CHRM4: variants seen among roughly 807,000 people sequenced by gnomAD.
CHRM4 encodes the protein cholinergic receptor muscarinic 4.
A neutral mutation model predicts 26.3 loss-of-function variants in CHRM4; 5 were observed. The observed-to-expected ratio is 0.19, with a 90% CI of 0.10 to 0.40. The LOEUF is 0.40. Ranked by LOEUF, CHRM4 falls within the 10% of genes least tolerant of loss-of-function variation. The pLI, the probability that CHRM4 is intolerant of heterozygous loss-of-function variation, is 1.00. For synonymous variants in CHRM4, 290 were observed against 285.3 expected (o/e 1.02, Z -0.16); for missense variants, 402 against 664.5 (o/e 0.60, Z 4.34).
In CHRM4 at chr11:46,386,537, G is replaced by A; in HGVS notation, c.21C>T (p.Val7=). The A allele has an allele frequency of 1.2e-6, 2 of 1,611,832 alleles. No individual in the cohort carries two copies. The highest frequency in any genetic ancestry group is 1.7e-6 in the Non-Finnish European group (2 of 1,178,510). The change falls in exon 2 of 2, where the codon GTC becomes GTT. Residue 7 remains valine, a synonymous_variant. Transcript: ENST00000682254. This position sits in a 1 kb window ranked among gnomAD's most constrained non-coding sequence, Gnocchi z 5.8. ...CGGACTGATTGCCCGAGCTGCCATT[G>A]ACAGGTGTGAAGTTGGCCATGTTGG... MANFTP[V]NGSSGNQSVR...
rs762798315 is a variant in CHRM4 at position 46,385,235 on chromosome 11, G to A, written c.1323C>T (p.Leu441=). Residue 441 remains leucine, a synonymous_variant, in exon 2 of 2, where the codon CTC becomes CTT. Coordinates refer to ENST00000682254, the MANE Select transcript of CHRM4 (RefSeq NM_000741.5). The surrounding 1 kb of genome is among the most constrained non-coding windows in gnomAD (Gnocchi z 6.3). ...PDTVWSIGYW[L]CYVNSTINPA... is the part of the protein sequence containing the mutation. ...GGTTGATGGTGCTGTTGACGTAGCA[G>A]AGCCAGTAGCCAATGGACCACACCG... 1.2e-6 allele frequency: 2 copies of A among 1,614,046 alleles called. No individual in the cohort carries two copies. The highest frequency in any genetic ancestry group is 1.7e-6 in the Non-Finnish European group (2 of 1,179,962).
chr11:46,390,993 T>C (rs1245374886), intron 1 of CHRM4, among the ~76,000 whole-genome samples: 1 of 152,060 alleles, frequency 6.6e-6, no homozygotes, highest in Non-Finnish European at 1.5e-5. Context: ...GGCACCGACA[T>C]TGTGCCCAAC....
At chr11:46,387,927 G>C (rs1001216819) in intron 1 of CHRM4, among the ~76,000 whole-genome samples, 1 of 152,178 alleles carries the variant, frequency 6.6e-6, no homozygotes, top group Non-Finnish European at 1.5e-5. Context: ...TGCCAGGGCC[G>C]CCTCTCCCCT....
In CHRM4 at chr11:46,385,881, A is replaced by G. The variant is rs756095049; in HGVS notation, c.677T>C (p.Val226Ala). The G allele has an allele frequency of 1.2e-6, 2 of 1,610,026 alleles. No homozygotes were observed. Among genetic ancestry groups the G allele is most frequent in the East Asian group, 2.2e-5 (1 of 44,736 alleles). ...CGGGCCCTCGGGCCGGTGCTTGTGG[A>G]CTCGGCTGCGACTGGCCAGGGAGAT... Reference protein sequence around the residue: ...IHISLASRSRVHKHRPEGPKE... With the variant: ...IHISLASRSRAHKHRPEGPKE... Residue 226 changes from valine to alanine, a missense_variant, in exon 2 of 2, where the codon GTC becomes GCC. Coordinates refer to ENST00000682254, the MANE Select transcript of CHRM4 (RefSeq NM_000741.5). This position sits in a 1 kb window ranked among gnomAD's most constrained non-coding sequence, Gnocchi z 6.3.
At position 46,391,041 on chromosome 11, in the gene CHRM4, G is replaced by T. The variant is rs1450273101; in HGVS notation, c.-30+490C>A. ...GGGCCGGAGGAGGGGGCCTGGAGCT[G>T]GAGGACCCCGGCTTGGAGGCTGGGC... On this transcript the variant is annotated intron_variant, in intron 1 of 1. Coordinates refer to ENST00000682254, the MANE Select transcript of CHRM4 (RefSeq NM_000741.5). The surrounding 1 kb of genome is among the most constrained non-coding windows in gnomAD (Gnocchi z 6.3). 6.6e-6 allele frequency among the ~76,000 whole-genome samples: 1 copy of T among 152,036 alleles called. No homozygotes were observed. Among genetic ancestry groups the T allele is most frequent in the Non-Finnish European group, 1.5e-5 (1 of 67,980 alleles).
rs369963614 is a variant in CHRM4 at position 46,386,582 on chromosome 11, C to T, written c.-25G>A. 23 of 1,601,536 alleles carry T rather than the reference C, an allele frequency of 1.4e-5. No homozygotes were observed. The highest frequency in any genetic ancestry group is 1.2e-4 in the African/African-American group (9 of 74,784). On this transcript the variant is annotated 5_prime_UTR_variant, in exon 2 of 2. Coordinates refer to ENST00000682254, the MANE Select transcript of CHRM4 (RefSeq NM_000741.5). This position sits in a 1 kb window ranked among gnomAD's most constrained non-coding sequence, Gnocchi z 5.8. ...TGTTGGTTGCCAGGGGTGGGTAGGC[C>T]GTGTCTGGGGAGGAAGGGGAGAGAA...
Position 46,386,138 on chromosome 11 carries a change from G to A in CHRM4, c.420C>T (p.Tyr140=), listed in dbSNP as rs749787952. 1.2e-6 allele frequency: 2 copies of A among 1,609,766 alleles called. No homozygotes were observed. The highest frequency in any genetic ancestry group is 1.7e-6 in the Non-Finnish European group (2 of 1,178,470). Residue 140 remains tyrosine, a synonymous_variant, in exon 2 of 2, where the codon TAC becomes TAT. Coordinates refer to ENST00000682254, the MANE Select transcript of CHRM4 (RefSeq NM_000741.5). This position sits in a 1 kb window ranked among gnomAD's most constrained non-coding sequence, Gnocchi z 5.8. Reference sequence around the variant, plus strand: ...CCATCTTGGTGGTGCGCCGGGCAGGGTAGGTGAGAGGCTTGGTGACGCAGA... The same window carrying A: ...CCATCTTGGTGGTGCGCCGGGCAGGATAGGTGAGAGGCTTGGTGACGCAGA... ...RYFCVTKPLT[Y]PARRTTKMAG... is the part of the protein sequence containing the mutation.
At chr11:46,387,933 C>A (rs1469703822) in intron 1 of CHRM4, among the ~76,000 whole-genome samples, 1 of 152,218 alleles carries the variant, frequency 6.6e-6, no homozygotes, top group Admixed American at 6.5e-5. Flanking sequence ...GGCCGCCTCT[C>A]CCCTCCACAG....
At chr11:46,390,420 A>C (rs1307661521) in intron 1 of CHRM4, among the ~76,000 whole-genome samples, 1 of 152,198 alleles carries the variant, frequency 6.6e-6, no homozygotes, top group Non-Finnish European at 1.5e-5. Context: ...GCTCAGCTCT[A>C]ATAACTCCCC....
Position 46,391,729 on chromosome 11 carries a change from G to T in CHRM4, c.-228C>A, listed in dbSNP as rs1203406510. 2.0e-5 allele frequency among the ~76,000 whole-genome samples: 3 copies of T among 149,434 alleles called. No homozygotes were observed. Among genetic ancestry groups the T allele is most frequent in the Admixed American group, 6.7e-5 (1 of 15,020 alleles). On this transcript the variant is annotated 5_prime_UTR_variant, in exon 1 of 2. Coordinates refer to ENST00000682254, the MANE Select transcript of CHRM4 (RefSeq NM_000741.5). The surrounding 1 kb of genome is among the most constrained non-coding windows in gnomAD (Gnocchi z 6.3). ...GCCGAGGGCCGGGGGCGGGGACGGG[G>T]TGTCGAGGGGCGGCCCCTGCTCCGC...
At position 46,391,716 on chromosome 11, in the gene CHRM4, G is replaced by A. The variant is rs1945395972; in HGVS notation, c.-215C>T. ...GGCGGGCGGCCGGGCCGAGGGCCGG[G>A]GGCGGGGACGGGGTGTCGAGGGGCG... is the stretch of plus-strand genomic sequence containing the variant. On this transcript the variant is annotated 5_prime_UTR_variant, in exon 1 of 2. Transcript: ENST00000682254. The surrounding 1 kb of genome is among the most constrained non-coding windows in gnomAD (Gnocchi z 6.3). Among the ~76,000 whole-genome samples, 1 of 149,042 alleles carries A rather than the reference G, an allele frequency of 6.7e-6. No individual in the cohort carries two copies. The highest frequency in any genetic ancestry group is 1.5e-5 in the Non-Finnish European group (1 of 66,794).
chr11:46,387,980 C>T (rs942309827), intron 1 of CHRM4, among the ~76,000 whole-genome samples: 1 of 152,202 alleles, frequency 6.6e-6, no homozygotes, highest in African/African-American at 2.4e-5. Context: ...TAGCTGGAGT[C>T]CCCACCACAG....
Position 46,386,285 on chromosome 11 carries a change from C to G in CHRM4, c.273G>C (p.Val91=). The G allele has an allele frequency of 6.2e-7, 1 of 1,613,914 alleles. No individual in the cohort carries two copies. The highest frequency in any genetic ancestry group is 8.5e-7 in the Non-Finnish European group (1 of 1,179,888). ...IGAFSMNLYT[V]YIIKGYWPLG... ...GGGGCCAGTAGCCCTTGATGATGTA[C>G]ACGGTGTAGAGGTTCATGGAGAAGG... The change falls in exon 2 of 2, where the codon GTG becomes GTC. Residue 91 remains valine (V), a synonymous_variant. Transcript: ENST00000682254. This position sits in a 1 kb window ranked among gnomAD's most constrained non-coding sequence, Gnocchi z 5.8.
rs201307577 is a variant in CHRM4, at chr11:46,386,643, T to C, written c.-29-57A>G. ...TACAGGAGGGAATGGGGGAGTCATC[T>C]GGAGGTACACTGGATTCAAGGTGAC... On this transcript the variant is annotated intron_variant, in intron 1 of 1. Coordinates refer to ENST00000682254, the MANE Select transcript of CHRM4 (RefSeq NM_000741.5). This position sits in a 1 kb window ranked among gnomAD's most constrained non-coding sequence, Gnocchi z 5.8. 5 of 1,504,282 alleles carry C rather than the reference T, an allele frequency of 3.3e-6. No homozygotes were observed. In the African/African-American group the frequency reaches 5.5e-5, roughly 17 times the overall value. 93.2% of individuals were successfully genotyped at this position (1,504,282 alleles called of 1,614,324 possible).
chr11:46,391,342 C>A lies in CHRM4; in HGVS notation c.-30+189G>T, dbSNP rs1945390306. 6.6e-6 allele frequency among the ~76,000 whole-genome samples: 1 copy of A among 152,044 alleles called. No homozygotes were observed. The highest frequency in any genetic ancestry group is 2.4e-5 in the African/African-American group (1 of 41,426). On this transcript the variant is annotated intron_variant, in intron 1 of 1. Coordinates refer to ENST00000682254, the MANE Select transcript of CHRM4 (RefSeq NM_000741.5). This position sits in a 1 kb window ranked among gnomAD's most constrained non-coding sequence, Gnocchi z 6.3. Reference sequence around the variant, plus strand: ...CCCCTGGCTCCGTGGGGTCTGTGGGCGGGCAATCCCCCGCCCCCGACATCC... The same window carrying A: ...CCCCTGGCTCCGTGGGGTCTGTGGGAGGGCAATCCCCCGCCCCCGACATCC...
rs187688995 is a variant in CHRM4, at chr11:46,389,463, G to A, written c.-30+2068C>T. ...AGCTGTCGTCGTTTTGGACACCTCG[G>A]GGTCACCCGCAGACATTCCGACCCC... is the stretch of plus-strand genomic sequence containing the variant. On this transcript the variant is annotated intron_variant, in intron 1 of 1. Coordinates refer to ENST00000682254, the MANE Select transcript of CHRM4 (RefSeq NM_000741.5). Among the ~76,000 whole-genome samples the A allele has an allele frequency of 2.8e-3, 426 of 152,342 alleles. 6 individuals are homozygous for A. Among genetic ancestry groups the A allele is most frequent in the Non-Finnish European group, 2.3e-3 (159 of 68,020 alleles).
chr11:46,391,607 G>C lies in CHRM4; in HGVS notation c.-106C>G, dbSNP rs1234395728. ...GAGCCCCCCGCCCCCGCGCCGCCGC[G>C]GAGCCACTTACCCGCCGCCTCTGCC... On this transcript the variant is annotated 5_prime_UTR_variant, in exon 1 of 2. Coordinates refer to ENST00000682254, the MANE Select transcript of CHRM4 (RefSeq NM_000741.5). The surrounding 1 kb of genome is among the most constrained non-coding windows in gnomAD (Gnocchi z 6.3). 6.6e-6 allele frequency among the ~76,000 whole-genome samples: 1 copy of C among 151,520 alleles called. No homozygotes were observed. The highest frequency in any genetic ancestry group is 1.9e-4 in the East Asian group (1 of 5,136).
chr11:46,390,243 C>T (rs1470788676), intron 1 of CHRM4, among the ~76,000 whole-genome samples: 1 of 152,164 alleles, frequency 6.6e-6, no homozygotes, highest in Non-Finnish European at 1.5e-5. Flanking sequence ...GGCCAGACTA[C>T]TAGGGGCTGC....
rs1945344858 is a variant in CHRM4 at position 46,386,721 on chromosome 11, G to A, written c.-29-135C>T. The A allele has an allele frequency of 3.0e-5, 25 of 842,380 alleles. No homozygotes were observed. The highest frequency in any genetic ancestry group is 1.1e-5 in the Non-Finnish European group (6 of 553,276). The allele number at this position is 842,380 out of a possible 1,614,324, so 52.2% of individuals were successfully genotyped here. A position where few individuals can be genotyped will look rare whatever the true frequency, so the allele number is the denominator to read the frequency against. Reference sequence around the variant, plus strand: ...TGAGAGAACTCTGTCCCGCCATCCCGCATTTGCCCATTCATTCAACATTAA... The same window carrying A: ...TGAGAGAACTCTGTCCCGCCATCCCACATTTGCCCATTCATTCAACATTAA... On this transcript the variant is annotated intron_variant, in intron 1 of 1. Coordinates refer to ENST00000682254, the MANE Select transcript of CHRM4 (RefSeq NM_000741.5). The surrounding 1 kb of genome is among the most constrained non-coding windows in gnomAD (Gnocchi z 5.8).
Sources: gnomAD v4.1 joint callset for allele counts (sites outside exome capture counted in the v4.1 genomes callset) on GRCh38, gnomAD v4.1.1 for gene constraint, Gnocchi (gnomAD v3.1) non-coding constraint, MANE v1.5 for transcripts, NCBI Gene and HGNC (gene_info 2026-07-23, HGNC 2026-07-21) for gene names.